The following TANC1 variants were observed in gnomAD, a reference collection of about 807,000 sequenced individuals.
TANC1 encodes protein TANC1.
TANC1 carries 77 observed loss-of-function variants against 149.7 expected under a neutral mutation model. The observed-to-expected ratio is 0.51, with a 90% CI of 0.43 to 0.62. The LOEUF (loss-of-function observed/expected upper bound fraction) is 0.62, where lower values mean the gene tolerates loss of function less well. Among genes scored for constraint, TANC1 ranks in the 20% least tolerant of loss-of-function variants. The pLI is 0.00. For synonymous variants in TANC1, 854 were observed against 925.0 expected (o/e 0.92, Z 1.39); for missense variants, 1,985 against 2,321.8 (o/e 0.85, Z 2.98).
chr2:159,115,459 TG>T (rs963357344), intron 4 of TANC1, among the ~76,000 whole-genome samples: 13 of 152,266 alleles, frequency 8.5e-5, no homozygotes, highest in African/African-American at 2.9e-4. Flanking sequence ...ATCTTTAGGT[TG>T]TGGTGACCTG....
At chr2:159,030,899 A>G (rs912639675) in intron 2 of TANC1, among the ~76,000 whole-genome samples, 1 of 152,130 alleles carries the variant, frequency 6.6e-6, no homozygotes, top group Non-Finnish European at 1.5e-5. Context: ...GAGGGAGTCC[A>G]GGTGTCAGGA....
chr2:159,221,179 G>A (rs978632971), intron 22 of TANC1, among the ~76,000 whole-genome samples: 5 of 152,040 alleles, frequency 3.3e-5, no homozygotes, highest in Admixed American at 6.5e-5. Flanking sequence ...TCAGGAGTTC[G>A]AGATCAAGTG....
At chr2:159,166,383 C>T (rs2054600300) in intron 8 of TANC1, among the ~76,000 whole-genome samples, 1 of 152,172 alleles carries the variant, frequency 6.6e-6, no homozygotes, top group African/African-American at 2.4e-5. Flanking sequence ...ATGTCTCCCT[C>T]TGCCTTGCCC....
At chr2:159,200,475 G>C (rs1045236275) in intron 19 of TANC1, among the ~76,000 whole-genome samples, 1 of 152,170 alleles carries the variant, frequency 6.6e-6, no homozygotes, top group African/African-American at 2.4e-5. Flanking sequence ...CACACATTTA[G>C]CTCAAGTGAG....
chr2:159,018,566 G>A (rs1574147758), intron 2 of TANC1, among the ~76,000 whole-genome samples: 3 of 152,236 alleles, frequency 2.0e-5, no homozygotes, highest in Admixed American at 1.3e-4. Flanking sequence ...TCACATTGTT[G>A]TGTAGCCATT....
chr2:159,112,132 A>G (rs1409063859), intron 4 of TANC1, among the ~76,000 whole-genome samples: 1 of 146,242 alleles, frequency 6.8e-6, no homozygotes, highest in East Asian at 1.9e-4. Flanking sequence ...TAGAGCAGAT[A>G]TGTGCACTCA....
At chr2:159,151,502 T>TA (rs1371146705) in intron 7 of TANC1, among the ~76,000 whole-genome samples, 1 of 152,268 alleles carries the variant, frequency 6.6e-6, no homozygotes, top group Non-Finnish European at 1.5e-5. Flanking sequence ...CTTTGAGGGA[T>TA]AGTTTATGCT....
intron 13 of TANC1, 92 bp downstream of exon 13, chr2:159,176,610 G>C: frequency 9.8e-7 from 1 of 1,018,810 alleles, no homozygotes; most frequent in East Asian, 2.8e-5. Flanking sequence ...AAACCATTCA[G>C]CTGCTTGAAT....
intron 2 of TANC1, among the ~76,000 whole-genome samples, chr2:159,030,947 T>C (rs1574229101): frequency 6.6e-6 from 1 of 151,926 alleles, no homozygotes; most frequent in Non-Finnish European, 1.5e-5. Context: ...TGGCTCAGGG[T>C]ATATGAGTAG....
chr2:159,166,470 G>GGTGT lies in TANC1; in HGVS notation c.947-2764_947-2761dup, dbSNP rs59852289. 7.0e-4 allele frequency among the ~76,000 whole-genome samples: 106 copies of GGTGT among 150,862 alleles called. 2 individuals carry two copies. The South Asian group carries it at 0.011, about 15-fold the overall frequency. The stretch of plus-strand genomic sequence containing the variant: ...TGCTTCTTATCCAGATGTTAGATAT[G>GGTGT]GTGTGTGTGTGTGTGTGTGCACAAC... On this transcript the variant is annotated intron_variant, in intron 8 of 26. Coordinates refer to ENST00000263635, the MANE Select transcript of TANC1 (RefSeq NM_033394.3).
At chr2:159,066,454 A>G (rs2042674249) in intron 3 of TANC1, among the ~76,000 whole-genome samples, 2 of 152,190 alleles carry the variant, frequency 1.3e-5, no homozygotes, top group South Asian at 4.1e-4. Context: ...TTTGAACTTT[A>G]TTATAAGAAG....
chr2:159,059,517 A>C (rs2042077529), intron 2 of TANC1, among the ~76,000 whole-genome samples: 1 of 85,190 alleles, frequency 1.2e-5, no homozygotes, highest in South Asian at 2.9e-4. Flanking sequence ...AAAAAACCAA[A>C]TATATAAAAA....
rs1430038704 is a variant in TANC1 at position 159,186,908 on chromosome 2, A to T, written c.2626A>T (p.Ser876Cys). The T allele has an allele frequency of 6.2e-7, 1 of 1,614,200 alleles. No individual in the cohort carries two copies. Among genetic ancestry groups the T allele is most frequent in the South Asian group, 1.1e-5 (1 of 91,084 alleles). ...ILKAHIFKGLSKKTGISSSHL... is the reference protein window; with the variant it reads ...ILKAHIFKGLCKKTGISSSHL... ...CTGTCTCGATTGTTTCCAGGGCCTCAGTAAGAAGACGGGAATTTCTTCAAG... is the reference window on the plus strand; with the variant it reads ...CTGTCTCGATTGTTTCCAGGGCCTCTGTAAGAAGACGGGAATTTCTTCAAG... Residue 876 changes from serine (S) to cysteine (C), a missense_variant, in exon 16 of 27, where the codon AGT becomes TGT. Ser to Cys is a moderately radical substitution (Grantham distance 112, BLOSUM62 -1). Transcript: ENST00000263635.
chr2:159,100,008 C>T (rs171935), intron 4 of TANC1, among the ~76,000 whole-genome samples: 122,935 of 152,132 alleles, frequency 0.81, 52,198 homozygotes, highest in East Asian at 0.98. Flanking sequence ...CTTCCTCTGT[C>T]TGATGCTTGA....
At chr2:159,183,708 A>T (rs2056711193) in intron 14 of TANC1, among the ~76,000 whole-genome samples, 1 of 152,032 alleles carries the variant, frequency 6.6e-6, no homozygotes, top group South Asian at 2.1e-4. Context: ...GTTTTTTAAT[A>T]ACACAGGAGA....
At chr2:159,054,189 T>A (rs921157270) in intron 2 of TANC1, among the ~76,000 whole-genome samples, 1 of 152,200 alleles carries the variant, frequency 6.6e-6, no homozygotes, top group Admixed American at 6.5e-5. Flanking sequence ...ATGGTCAGGC[T>A]GGGGATCAAG....
intron 1 of TANC1, among the ~76,000 whole-genome samples, chr2:158,978,908 G>T (rs1015818717): frequency 1.3e-5 from 2 of 152,172 alleles, no homozygotes; most frequent in Admixed American, 6.5e-5. Context: ...TGCCTCCTTA[G>T]AGGCAAGGGA....
chr2:159,099,433 T>A (rs891815567), intron 4 of TANC1, among the ~76,000 whole-genome samples: 4 of 152,132 alleles, frequency 2.6e-5, no homozygotes, highest in Non-Finnish European at 4.4e-5. Context: ...CACAGTGTTT[T>A]ACTTTTTCTT....
intron 4 of TANC1, among the ~76,000 whole-genome samples, chr2:159,103,668 G>A (rs1218463931): frequency 1.0e-5 from 1 of 96,674 alleles, no homozygotes; most frequent in African/African-American, 2.9e-5. Flanking sequence ...AGATCATGGA[G>A]GTTCACAGGC....
Sources: allele counts gnomAD v4.1 joint callset (sites outside exome capture counted in the v4.1 genomes callset), GRCh38; gene constraint gnomAD v4.1.1; transcripts MANE v1.5; gene names NCBI Gene and HGNC (gene_info 2026-07-23, HGNC 2026-07-21).